The following SYT9 variants were observed in gnomAD, a reference collection of about 807,000 sequenced individuals.
SYT9 encodes synaptotagmin 9, also known as synaptotagmin-9.
Under a neutral mutation model 48.4 loss-of-function variants are expected in SYT9, and 22 were observed. That is an observed-to-expected ratio of 0.45 (90% CI 0.32 to 0.65). SYT9 has a LOEUF of 0.65. Among genes scored for constraint, SYT9 ranks in the 30% least tolerant of loss-of-function variants. The probability of loss-of-function intolerance (pLI) is 0.03; values close to 1 mark genes in which losing one functional copy is unlikely to be tolerated. For missense variants in SYT9, 577 were observed against 622.0 expected, an observed-to-expected ratio of 0.93 and a Z score of 0.77; for synonymous variants, 265 against 245.0, an observed-to-expected ratio of 1.08 and a Z score of -0.76.
chr11:7,278,177 G>C (rs184677638), intron 1 of SYT9, among the ~76,000 whole-genome samples: 125 of 152,246 alleles, frequency 8.2e-4, no homozygotes, highest in Admixed American at 2.4e-3. Flanking sequence ...AGGGGGCTGA[G>C]CATGCTAATG....
At chr11:7,407,387 T>C (rs1480882167) in intron 3 of SYT9, among the ~76,000 whole-genome samples, 1 of 33,014 alleles carries the variant, frequency 3.0e-5, no homozygotes, top group Non-Finnish European at 5.2e-5. Context: ...TTTTTTTTTT[T>C]TTTTGAGACG....
At chr11:7,391,901 G>A (rs1478457799) in intron 3 of SYT9, among the ~76,000 whole-genome samples, 3 of 151,998 alleles carry the variant, frequency 2.0e-5, no homozygotes, top group African/African-American at 7.2e-5. Context: ...GGGTGACAGA[G>A]TGAGACTCTG....
intron 1 of SYT9, among the ~76,000 whole-genome samples, chr11:7,265,997 G>C (rs1328404201): frequency 6.6e-6 from 1 of 152,050 alleles, no homozygotes; most frequent in Non-Finnish European, 1.5e-5. Flanking sequence ...AAAAACCTGT[G>C]AAACAGAGAA....
intron 2 of SYT9, among the ~76,000 whole-genome samples, chr11:7,313,031 A>G (rs1041423430): frequency 2.6e-5 from 4 of 152,296 alleles, no homozygotes; most frequent in Admixed American, 2.6e-4. Context: ...TATATTATAT[A>G]TAAAGTTGAA....
chr11:7,449,990 G>A (rs919000004), intron 6 of SYT9, among the ~76,000 whole-genome samples: 6 of 151,896 alleles, frequency 4.0e-5, no homozygotes, highest in Admixed American at 6.6e-5. Flanking sequence ...GTCATTGCCC[G>A]CCTCCCAAGC....
At chr11:7,415,519 G>A (rs1332120489) in intron 3 of SYT9, among the ~76,000 whole-genome samples, 3 of 152,094 alleles carry the variant, frequency 2.0e-5, no homozygotes, top group African/African-American at 7.2e-5. Flanking sequence ...GTGGGGTGGT[G>A]TGGAAACCTG....
chr11:7,408,379 C>T (rs912483941), intron 3 of SYT9, among the ~76,000 whole-genome samples: 34 of 152,316 alleles, frequency 2.2e-4, no homozygotes, highest in African/African-American at 8.2e-4. Context: ...CCACTCGCCT[C>T]AGCCTCCCAA....
chr11:7,438,377 C>T (rs1285042346), intron 6 of SYT9: 1 of 152,274 alleles, frequency 6.6e-6, no homozygotes, highest in Non-Finnish European at 1.5e-5. Context: ...AGGGCCCCAT[C>T]TCATCTTTGT....
At chr11:7,363,522 G>C (rs944466539) in intron 3 of SYT9, among the ~76,000 whole-genome samples, 2 of 152,144 alleles carry the variant, frequency 1.3e-5, no homozygotes, top group Non-Finnish European at 2.9e-5. Context: ...TTAGATAAAT[G>C]GGCTTGAAAC....
At chr11:7,382,949 A>G (rs1344641770) in intron 3 of SYT9, among the ~76,000 whole-genome samples, 2 of 152,178 alleles carry the variant, frequency 1.3e-5, no homozygotes, top group Admixed American at 6.5e-5. Flanking sequence ...CACACTTCCA[A>G]TTCAATTAAT....
chr11:7,250,164 C>G (rs565750587), upstream of SYT9, among the ~76,000 whole-genome samples: 2 of 152,282 alleles, frequency 1.3e-5, no homozygotes, highest in South Asian at 4.1e-4. Context: ...CACATATGAC[C>G]CAGGTAACGT....
intron 3 of SYT9, among the ~76,000 whole-genome samples, chr11:7,395,584 A>G (rs948333225): frequency 1.4e-4 from 22 of 151,888 alleles, no homozygotes; most frequent in African/African-American, 5.1e-4. Context: ...ACCCTTTATC[A>G]TTATGTAATG....
intron 1 of SYT9, among the ~76,000 whole-genome samples, chr11:7,299,508 CT>C (rs1245547599): frequency 6.6e-6 from 1 of 152,164 alleles, no homozygotes; most frequent in African/African-American, 2.4e-5. Flanking sequence ...AAAGCCACTC[CT>C]GCCATTTGCT....
chr11:7,271,509 C>G (rs1158815374), intron 1 of SYT9, among the ~76,000 whole-genome samples: 5 of 152,184 alleles, frequency 3.3e-5, no homozygotes, highest in African/African-American at 1.2e-4. Context: ...ATGGATGCCC[C>G]TGATTTCAGT....
chr11:7,380,169 G>C (rs1850534313), intron 3 of SYT9, among the ~76,000 whole-genome samples: 1 of 152,136 alleles, frequency 6.6e-6, no homozygotes, highest in Non-Finnish European at 1.5e-5. Context: ...GGATCATTAT[G>C]TTCAGTGAAT....
At chr11:7,401,807 T>C (rs949701611) in intron 3 of SYT9, among the ~76,000 whole-genome samples, 2 of 151,826 alleles carry the variant, frequency 1.3e-5, no homozygotes, top group Non-Finnish European at 2.9e-5. Flanking sequence ...ATGTTGTTTT[T>C]ATTGATTTTT....
intron 3 of SYT9, among the ~76,000 whole-genome samples, chr11:7,392,836 C>T (rs1846658002): frequency 6.6e-6 from 1 of 151,866 alleles, no homozygotes; most frequent in Non-Finnish European, 1.5e-5. Context: ...AGATGTATCC[C>T]TAGGTATTTT....
rs7103951 is a variant in SYT9 at position 7,287,647 on chromosome 11, C to T, written c.146-15392C>T. On this transcript the variant is annotated intron_variant, in intron 1 of 6. Transcript: ENST00000318881. ...TTGAGTTACTCACTATCTTAGAAGGCGAGAAGGCATTCTCTCATGCTGAAG... is the reference window on the plus strand; with the variant it reads ...TTGAGTTACTCACTATCTTAGAAGGTGAGAAGGCATTCTCTCATGCTGAAG... Among the ~76,000 whole-genome samples, 152 of 152,208 alleles carry T rather than the reference C, an allele frequency of 1.0e-3. 1 individual carries two copies. The East Asian group carries it at 0.021, about 22-fold the overall frequency.
intron 6 of SYT9, chr11:7,454,399 C>G: frequency 2.8e-6 from 2 of 709,510 alleles, no homozygotes; most frequent in Non-Finnish European, 3.5e-6. Context: ...TCCCAGCCAC[C>G]ATCTTCTCCC....
Sources: allele counts gnomAD v4.1 joint callset (sites outside exome capture counted in the v4.1 genomes callset), GRCh38; gene constraint gnomAD v4.1.1; transcripts MANE v1.5; gene names NCBI Gene and HGNC (gene_info 2026-07-23, HGNC 2026-07-21).